SRRM2: variants seen among roughly 807,000 people sequenced by gnomAD.
SRRM2 encodes the protein serine/arginine repetitive matrix 2, also known as serine/arginine repetitive matrix protein 2.
In SRRM2, 30 loss-of-function variants were observed where a neutral mutation model predicts 213.8. The ratio of observed to expected loss-of-function variants is 0.14; its 90% CI spans 0.10 to 0.19. The LOEUF is 0.19. SRRM2 is among the 10% of genes least tolerant of loss of function. The pLI is 1.00. For missense variants in SRRM2, 4,904 were observed against 3,647.0 expected (o/e 1.34, Z -8.88); for synonymous variants, 2,025 against 1,377.7 (o/e 1.47, Z -10.40).
chr16:2,759,400 G>A lies in SRRM2; in HGVS notation c.738G>A (p.Lys246=). The A allele has an allele frequency of 6.3e-7, 1 of 1,593,012 alleles. No homozygotes were observed. The highest frequency in any genetic ancestry group is 8.5e-7 in the Non-Finnish European group (1 of 1,172,966). ...GTAAATCTAAGGACAAAAAGCGAAA[G>A]CGGTGAGTGAATTTGTGGGGAATTT... is the stretch of plus-strand genomic sequence containing the variant. The part of the protein sequence containing the change: ...SKRKSKDKKR[K]RSRSTTPAPK... The change falls in exon 8 of 15, where the codon AAG becomes AAA. Residue 246 remains lysine, a splice_region_variant and synonymous_variant. Coordinates refer to ENST00000301740, the MANE Select transcript of SRRM2 (RefSeq NM_016333.4).
In SRRM2 at chr16:2,756,332, A is replaced by C; in HGVS notation, c.-31-2A>C. ...GACCCGTGTCTCCCCGCTCCCCCTC[A>C]GGAGCGGTGGTGCCCCCCCCGGGCA... On this transcript the variant is annotated splice_acceptor_variant, in intron 1 of 14. Transcript: ENST00000301740. LOFTEE classifies it low-confidence loss of function (5UTR_SPLICE). 6.4e-7 allele frequency: 1 copy of C among 1,567,132 alleles called. No homozygotes were observed. The highest frequency in any genetic ancestry group is 8.6e-7 in the Non-Finnish European group (1 of 1,161,604).
At chr16:2,754,263 T>C (rs999381531) in intron 1 of SRRM2, among the ~76,000 whole-genome samples, 1 of 152,066 alleles carries the variant, frequency 6.6e-6, no homozygotes, top group African/African-American at 2.4e-5. Flanking sequence ...CATTGTGACC[T>C]AATATCCTTT....
At position 2,765,347 on chromosome 16, in the gene SRRM2, A is replaced by G. The variant is rs749994798; in HGVS notation, c.4819A>G (p.Lys1607Glu). 38 of 1,613,994 alleles carry G rather than the reference A, an allele frequency of 2.4e-5. 1 individual carries two copies. The South Asian group carries it at 3.6e-4, about 15-fold the overall frequency. ...TGGTTCCTCCCCTGAAGTGAAAGATAAGCCAAGAGCAGCACCCAGGGCACA... is the reference window on the plus strand; with the variant it reads ...TGGTTCCTCCCCTGAAGTGAAAGATGAGCCAAGAGCAGCACCCAGGGCACA... ...RSGSSPEVKD[K>E]PRAAPRAQSG... Residue 1607 changes from lysine to glutamate, a missense_variant, in exon 11 of 15, where the codon AAG becomes GAG. Coordinates refer to ENST00000301740, the MANE Select transcript of SRRM2 (RefSeq NM_016333.4).
chr16:2,768,126 CCTCCTCGTCGTCGTCGTCCTCTAG>C lies in SRRM2; in HGVS notation c.7605_7628del (p.Ser2549_Ser2556del). Reference sequence around the variant, plus strand: ...CAGCCAGCAAAGGAGCGGCGGAGTTCCTCCTCGTCGTCGTCGTCCTCTAGCTCCTCCTCTTCTTCATCATCGTCG... The same window carrying C: ...CAGCCAGCAAAGGAGCGGCGGAGTTCCTCCTCCTCTTCTTCATCATCGTCG... On this transcript the variant is annotated inframe_deletion, in exon 11 of 15. Coordinates refer to ENST00000301740, the MANE Select transcript of SRRM2 (RefSeq NM_016333.4). 1 of 1,613,868 alleles carries C rather than the reference CCTCCTCGTCGTCGTCGTCCTCTAG, an allele frequency of 6.2e-7. No individual in the cohort carries two copies.
Position 2,768,138 on chromosome 16 carries a change from C to T in SRRM2, c.7610C>T (p.Ser2537Leu), listed in dbSNP as rs754029475. 9.9e-6 allele frequency: 16 copies of T among 1,613,530 alleles called. No homozygotes were observed. Among genetic ancestry groups the T allele is most frequent in the East Asian group, 6.7e-5 (3 of 44,892 alleles). ...AKERRSSSSS[S>L]SSSSSSSSSS... is the part of the protein sequence containing the mutation. The stretch of plus-strand genomic sequence containing the variant: ...GAGCGGCGGAGTTCCTCCTCGTCGT[C>T]GTCGTCCTCTAGCTCCTCCTCTTCT... Residue 2537 changes from serine to leucine, a missense_variant, in exon 11 of 15, where the codon TCG becomes TTG. Ser to Leu is a moderately radical substitution (Grantham distance 145). Transcript: ENST00000301740.
At chr16:2,753,866 C>T (rs1234128425) in intron 1 of SRRM2, among the ~76,000 whole-genome samples, 2 of 152,210 alleles carry the variant, frequency 1.3e-5, no homozygotes, top group African/African-American at 4.8e-5. Flanking sequence ...GCTGTGCTTG[C>T]TGATGTCCAT....
chr16:2,761,489 T>A, intron 10 of SRRM2, 72 bp from the exon 11 acceptor site: 1 of 1,287,168 alleles, frequency 7.8e-7, no homozygotes, highest in Non-Finnish European at 1.0e-6. Flanking sequence ...GGAAAGGGTG[T>A]TGGGATCTTA....
intron 12 of SRRM2, 173 bp from the exon 13 acceptor site, chr16:2,770,179 G>T: frequency 1.4e-6 from 2 of 1,442,516 alleles, no homozygotes; most frequent in Non-Finnish European, 1.8e-6. Context: ...CTGCCCACTG[G>T]GCACTCGGTG....
chr16:2,764,575 T>A lies in SRRM2; in HGVS notation c.4047T>A (p.Ser1349=). ...LGTEMNTGFS[S]EVKEDLNGPF... is the part of the protein sequence containing the mutation. Reference sequence around the variant, plus strand: ...CAGAAATGAATACTGGATTTTCTTCTGAGGTTAAAGAAGATTTGAATGGAC... The same window carrying A: ...CAGAAATGAATACTGGATTTTCTTCAGAGGTTAAAGAAGATTTGAATGGAC... The change falls in exon 11 of 15, where the codon TCT becomes TCA. Residue 1349 remains serine (S), a synonymous_variant. Coordinates refer to ENST00000301740, the MANE Select transcript of SRRM2 (RefSeq NM_016333.4). 3.1e-6 allele frequency: 5 copies of A among 1,614,232 alleles called. No homozygotes were observed. In the South Asian group the frequency reaches 5.5e-5, roughly 18 times the overall value.
intron 12 of SRRM2, chr16:2,769,618 C>CT: frequency 1.7e-6 from 1 of 598,618 alleles, no homozygotes; most frequent in Non-Finnish European, 3.1e-6. Flanking sequence ...TCTCCCGACT[C>CT]TGTCCACAGC....
rs2068438450 is a variant in SRRM2 at position 2,763,571 on chromosome 16, C to T, written c.3043C>T (p.Pro1015Ser). The change falls in exon 11 of 15, where the codon CCA (proline) becomes TCA (serine). Residue 1015 changes from proline (P) to serine (S), a missense_variant. Pro to Ser is a moderately conservative substitution (Grantham distance 74). Coordinates refer to ENST00000301740, the MANE Select transcript of SRRM2 (RefSeq NM_016333.4). The part of the protein sequence containing the change: ...PGPSLSGSKS[P>S]CPQEKSKDSL... ...GCCAAGTCTTTCTGGATCAAAGTCA[C>T]CATGTCCCCAAGAGAAGTCTAAAGA... The T allele has an allele frequency of 6.2e-7, 1 of 1,614,164 alleles. No homozygotes were observed. Among genetic ancestry groups the T allele is most frequent in the African/African-American group, 1.3e-5 (1 of 75,044 alleles).
Position 2,758,988 on chromosome 16 carries a change from G to A in SRRM2, c.597G>A (p.Arg199=). The change falls in exon 6 of 15, where the codon AGG becomes AGA. Residue 199 remains arginine, a synonymous_variant. Transcript: ENST00000301740. ...TTGCTTTTGAATCCATCTTTAGCAG[G>A]TCAGAGAGCAGCTCTCCTCGACGGG... ...KKKKKKDRGR[R]SESSSPRRER... 1 of 1,614,182 alleles carries A rather than the reference G, an allele frequency of 6.2e-7. No homozygotes were observed. Among genetic ancestry groups the A allele is most frequent in the African/African-American group, 1.3e-5 (1 of 75,038 alleles).
At chr16:2,754,389 G>T (rs893635983) in intron 1 of SRRM2, among the ~76,000 whole-genome samples, 3 of 152,078 alleles carry the variant, frequency 2.0e-5, no homozygotes, top group African/African-American at 7.2e-5. Context: ...CGCCTCCCGG[G>T]TTCAAGCGAT....
At chr16:2,758,898 T>C in intron 5 of SRRM2, 87 bp from the exon 6 acceptor site, 2 of 1,499,350 alleles carry the variant, frequency 1.3e-6, no homozygotes, top group Non-Finnish European at 1.8e-6. Flanking sequence ...TCAAGTGTTT[T>C]AGAAACCTTT....
chr16:2,769,147 CTCCTCCTCTTCCTCT>C lies in SRRM2; in HGVS notation c.7887_7901del (p.Ser2644_Ser2648del). 6.2e-7 allele frequency: 1 copy of C among 1,610,486 alleles called. No homozygotes were observed. The highest frequency in any genetic ancestry group is 8.5e-7 in the Non-Finnish European group (1 of 1,176,958). On this transcript the variant is annotated inframe_deletion, in exon 12 of 15. Coordinates refer to ENST00000301740, the MANE Select transcript of SRRM2 (RefSeq NM_016333.4). ...CCTCCTCCTCCTCCTCCTCTTCTTCCTCCTCCTCTTCCTCTTCTTCTTCTTCCTCCTCATCTTCCT... is the reference window on the plus strand; with the variant it reads ...CCTCCTCCTCCTCCTCCTCTTCTTCCTCTTCTTCTTCCTCCTCATCTTCCT...
rs141551823 is a variant in SRRM2, at chr16:2,766,316, G to A, written c.5788G>A (p.Val1930Ile). The A allele has an allele frequency of 1.2e-5, 19 of 1,614,038 alleles. No individual in the cohort carries two copies. The highest frequency in any genetic ancestry group is 1.6e-5 in the Non-Finnish European group (19 of 1,179,996). Residue 1930 changes from valine (V) to isoleucine (I), a missense_variant, in exon 11 of 15, where the codon GTA becomes ATA. Coordinates refer to ENST00000301740, the MANE Select transcript of SRRM2 (RefSeq NM_016333.4). The surrounding 1 kb of genome is among the most constrained non-coding windows in gnomAD (Gnocchi z 7.0). ...GCGATCCAGATCCAGAACGCCACCA[G>A]TAACCCGCCGTCGTTCAAGGTCTAG... ...RRRSRSRTPP[V>I]TRRRSRSRTP... is the part of the protein sequence containing the mutation.
chr16:2,754,186 G>T (rs1483815801), intron 1 of SRRM2, among the ~76,000 whole-genome samples: 4 of 152,074 alleles, frequency 2.6e-5, no homozygotes, highest in African/African-American at 9.7e-5. Context: ...CCCCTTAGAT[G>T]CCGTGGGGTC....
At position 2,765,810 on chromosome 16, in the gene SRRM2, G is replaced by C. The variant is rs369857768; in HGVS notation, c.5282G>C (p.Arg1761Pro). The C allele has an allele frequency of 2.0e-5, 33 of 1,613,930 alleles. No individual in the cohort carries two copies. The Admixed American group carries it at 2.3e-4, about 11-fold the overall frequency. The change falls in exon 11 of 15, where the codon CGC becomes CCC. Residue 1761 changes from arginine (R) to proline (P), a missense_variant. Transcript: ENST00000301740. ...PRTKTTSRRG[R>P]SPSPKPRGLQ... The stretch of plus-strand genomic sequence containing the variant: ...ACTAAGACAACCTCAAGGAGAGGCC[G>C]CTCTCCTTCGCCAAAGCCTCGTGGA...
Position 2,759,109 on chromosome 16 carries a change from C to A in SRRM2, c.657-31C>A, listed in dbSNP as rs767973282. ...TTGCTGAATTCAGGCAGAGGTGTTTCTTATGTTTTTTCTTCTCTTTTTTCC... is the reference window on the plus strand; with the variant it reads ...TTGCTGAATTCAGGCAGAGGTGTTTATTATGTTTTTTCTTCTCTTTTTTCC... On this transcript the variant is annotated intron_variant, in intron 6 of 14. Coordinates refer to ENST00000301740, the MANE Select transcript of SRRM2 (RefSeq NM_016333.4). The A allele has an allele frequency of 6.8e-6, 11 of 1,613,938 alleles. No homozygotes were observed. The African/African-American group carries it at 1.3e-4, about 20-fold the overall frequency.
Sources: gnomAD v4.1 joint callset for allele counts (sites outside exome capture counted in the v4.1 genomes callset) on GRCh38, gnomAD v4.1.1 for gene constraint, Gnocchi (gnomAD v3.1) non-coding constraint, MANE v1.5 for transcripts, NCBI Gene and HGNC (gene_info 2026-07-23, HGNC 2026-07-21) for gene names.